Variants in SDK1 observed in about 807,000 individuals in gnomAD.
SDK1 encodes the protein protein sidekick-1.
A neutral mutation model predicts 245.5 loss-of-function variants in SDK1; 157 were observed. That is an observed-to-expected ratio of 0.64 (90% CI 0.56 to 0.73). SDK1 has a LOEUF of 0.73. Among genes scored for constraint, SDK1 ranks in the 30% least tolerant of loss-of-function variants. The probability of loss-of-function intolerance (pLI) is 0.00; values close to 1 mark genes in which losing one functional copy is unlikely to be tolerated. For synonymous variants in SDK1, 1,647 were observed against 1,278.5 expected (o/e 1.29, Z -6.15); for missense variants, 3,583 against 3,002.3 (o/e 1.19, Z -4.52).
intron 22 of SDK1, among the ~76,000 whole-genome samples, chr7:4,089,674 TC>T (rs1458296048): frequency 6.6e-6 from 1 of 152,202 alleles, no homozygotes; most frequent in African/African-American, 2.4e-5. Context: ...GCTGCCTGAC[TC>T]CTGGGCCAGC....
At chr7:3,339,260 A>G (rs1299350407) in intron 1 of SDK1, among the ~76,000 whole-genome samples, 5 of 152,210 alleles carry the variant, frequency 3.3e-5, no homozygotes, top group African/African-American at 1.2e-4. Context: ...TACACACCAA[A>G]CAGAACCTCA....
intron 35 of SDK1, among the ~76,000 whole-genome samples, chr7:4,185,301 G>A (rs368763454): frequency 3.7e-4 from 56 of 152,306 alleles, no homozygotes; most frequent in African/African-American, 1.3e-3. Flanking sequence ...CCCAGCCAGA[G>A]TTCTGGGCCC....
chr7:3,940,473 T>G (rs1371108517), intron 5 of SDK1, among the ~76,000 whole-genome samples: 1 of 152,342 alleles, frequency 6.6e-6, no homozygotes, highest in Non-Finnish European at 1.5e-5. Flanking sequence ...TCCCGTTTTA[T>G]GGCATCTTCT....
intron 4 of SDK1, among the ~76,000 whole-genome samples, chr7:3,801,549 A>G (rs529593930): frequency 2.0e-5 from 3 of 152,242 alleles, no homozygotes; most frequent in South Asian, 4.1e-4. Context: ...CCTTAGCCCT[A>G]AGGGTTGAGC....
intron 35 of SDK1, among the ~76,000 whole-genome samples, chr7:4,183,535 G>T (rs907693037): frequency 6.6e-6 from 1 of 151,634 alleles, no homozygotes; most frequent in Non-Finnish European, 1.5e-5. Context: ...CTCGGGAGGC[G>T]GAGGCAGGAG....
chr7:4,268,755 G>A lies in SDK1; in HGVS notation c.*3371G>A, dbSNP rs1788627845. The A allele has an allele frequency of 7.3e-7, 1 of 1,367,576 alleles. No individual in the cohort carries two copies. The highest frequency in any genetic ancestry group is 9.8e-7 in the Non-Finnish European group (1 of 1,021,768). 84.7% of individuals were successfully genotyped at this position (1,367,576 alleles called of 1,614,324 possible). A position where few individuals can be genotyped will look rare whatever the true frequency, so the allele number is the denominator to read the frequency against. ...CGTGGGTCAGCGTCCTGGTAGCATG[G>A]ATCCAGTCTGAAAGGTGAGGACAAC... On this transcript the variant is annotated 3_prime_UTR_variant, in exon 45 of 45. Transcript: ENST00000404826.
At chr7:3,526,288 C>A (rs1431596690) in intron 1 of SDK1, among the ~76,000 whole-genome samples, 2 of 151,682 alleles carry the variant, frequency 1.3e-5, no homozygotes, top group African/African-American at 2.4e-5. Context: ...TTTTTACTGT[C>A]CAGTTTTACA....
intron 1 of SDK1, among the ~76,000 whole-genome samples, chr7:3,354,223 C>T (rs575894864): frequency 6.6e-5 from 10 of 151,924 alleles, no homozygotes; most frequent in Non-Finnish European, 1.5e-4. Context: ...TGGTCTTGAT[C>T]TCCTGACCTC....
At chr7:3,476,916 C>G (rs1050915917) in intron 1 of SDK1, among the ~76,000 whole-genome samples, 42 of 152,112 alleles carry the variant, frequency 2.8e-4, no homozygotes, top group African/African-American at 9.4e-4. Context: ...AGGAACTCCT[C>G]TAACTGGTGA....
At chr7:4,182,419 G>A (rs562367412) in intron 35 of SDK1, among the ~76,000 whole-genome samples, 1 of 152,316 alleles carries the variant, frequency 6.6e-6, no homozygotes, top group African/African-American at 2.4e-5. Context: ...TATTGCCAGA[G>A]GGGATCAGAA....
At chr7:3,722,230 T>A (rs1778832575) in intron 4 of SDK1, among the ~76,000 whole-genome samples, 1 of 152,052 alleles carries the variant, frequency 6.6e-6, no homozygotes, top group Non-Finnish European at 1.5e-5. Flanking sequence ...TACCCTGGCT[T>A]GGTAGACTGT....
intron 4 of SDK1, among the ~76,000 whole-genome samples, chr7:3,727,525 C>T (rs1779044850): frequency 6.6e-6 from 1 of 152,126 alleles, no homozygotes; most frequent in South Asian, 2.1e-4. Context: ...GAGCCTCGCT[C>T]TGTCACTCAG....
Position 3,356,983 on chromosome 7 carries a change from A to T in SDK1, c.298+55099A>T, listed in dbSNP as rs556922886. ...GGCAGAAGAACCGCTTGAACCTGGG[A>T]GGCAGAGGTTGCAGTGAGCCGAGAT... On this transcript the variant is annotated intron_variant, in intron 1 of 44. Transcript: ENST00000404826. 4.1e-4 allele frequency among the ~76,000 whole-genome samples: 56 copies of T among 135,888 alleles called. No homozygotes were observed. The East Asian group carries it at 0.011, about 28-fold the overall frequency. The allele number at this position is 135,888 out of a possible 152,430, so 89.1% of individuals were successfully genotyped here. A position where few individuals can be genotyped will look rare whatever the true frequency, so the allele number is the denominator to read the frequency against.
chr7:3,957,985 C>T, intron 7 of SDK1: 2 of 470,854 alleles, frequency 4.2e-6, no homozygotes, highest in Non-Finnish European at 8.8e-6. Context: ...AGCCGCTTCC[C>T]CCTTAATCGT....
intron 1 of SDK1, among the ~76,000 whole-genome samples, chr7:3,516,779 T>C (rs900487004): frequency 1.3e-5 from 2 of 152,168 alleles, no homozygotes; most frequent in East Asian, 3.8e-4. Flanking sequence ...GTATTAGACA[T>C]TTTTACTTTA....
intron 5 of SDK1, among the ~76,000 whole-genome samples, chr7:3,925,805 C>T (rs1779747344): frequency 6.6e-6 from 1 of 152,238 alleles, no homozygotes; most frequent in Non-Finnish European, 1.5e-5. Context: ...GACACCCACG[C>T]AGCCCTCCCA....
At chr7:3,433,201 C>G (rs1779918787) in intron 1 of SDK1, among the ~76,000 whole-genome samples, 2 of 152,158 alleles carry the variant, frequency 1.3e-5, no homozygotes, top group African/African-American at 4.8e-5. Context: ...ATATGCCTGG[C>G]TTCGTCCACA....
chr7:4,160,904 G>A (rs1032254998), intron 31 of SDK1, among the ~76,000 whole-genome samples: 6 of 152,176 alleles, frequency 3.9e-5, no homozygotes, highest in Non-Finnish European at 7.3e-5. Context: ...CACAGAGCCG[G>A]TGACCCCGGG....
chr7:3,744,226 A>T lies in SDK1; in HGVS notation c.714-77224A>T, dbSNP rs994714075. ...TCCCAAGAAAGGTCCTCTTCATCCAAAATAGCCCCCCTCCCCCCATCTCTC... is the reference window on the plus strand; with the variant it reads ...TCCCAAGAAAGGTCCTCTTCATCCATAATAGCCCCCCTCCCCCCATCTCTC... On this transcript the variant is annotated intron_variant, in intron 4 of 44. Coordinates refer to ENST00000404826, the MANE Select transcript of SDK1 (RefSeq NM_152744.4). Among the ~76,000 whole-genome samples the T allele has an allele frequency of 9.2e-5, 14 of 151,822 alleles. 1 individual carries two copies. Among genetic ancestry groups the T allele is most frequent in the Admixed American group, 8.5e-4 (13 of 15,252 alleles).
Sources: allele counts gnomAD v4.1 joint callset (sites outside exome capture counted in the v4.1 genomes callset), GRCh38; gene constraint gnomAD v4.1.1; transcripts MANE v1.5; gene names NCBI Gene and HGNC (gene_info 2026-07-23, HGNC 2026-07-21).